AP1G1: variants seen among roughly 807,000 people sequenced by gnomAD.
AP1G1 encodes the protein AP-1 complex subunit gamma-1.
Under a neutral mutation model 108.3 loss-of-function variants are expected in AP1G1, and 7 were observed. That is an observed-to-expected ratio of 0.06 (90% CI 0.04 to 0.12). AP1G1 has a LOEUF of 0.12. Ranked by LOEUF, AP1G1 falls within the 10% of genes least tolerant of loss-of-function variation. The probability of loss-of-function intolerance (pLI) is 1.00; values close to 1 mark genes in which losing one functional copy is unlikely to be tolerated. For missense variants in AP1G1, 756 were observed against 1,010.7 expected (o/e 0.75, Z 3.42); for synonymous variants, 379 against 353.5 (o/e 1.07, Z -0.81).
Position 71,780,820 on chromosome 16 carries a change from C to CT in AP1G1, c.202-6229dup, listed in dbSNP as rs767977641. 7.9e-3 allele frequency among the ~76,000 whole-genome samples: 1,108 copies of CT among 139,652 alleles called. 12 individuals are homozygous for CT. Among genetic ancestry groups the CT allele is most frequent in the African/African-American group, 0.021 (817 of 38,280 alleles). The allele number at this position is 139,652 out of a possible 152,430, so 91.6% of individuals were successfully genotyped here. On this transcript the variant is annotated intron_variant, in intron 2 of 22. Transcript: ENST00000299980. ...GCCACCACATGAGGCTAATTTTTTA[C>CT]TTTTTTTTTTTTTTTTGAGCTGGAG...
At chr16:71,794,373 T>C (rs1179575258) in intron 1 of AP1G1, among the ~76,000 whole-genome samples, 1 of 152,214 alleles carries the variant, frequency 6.6e-6, no homozygotes, top group Non-Finnish European at 1.5e-5. Context: ...AAAATGTCCC[T>C]CTTTGTCCTG....
At chr16:71,763,853 G>C (rs1042220048) in intron 9 of AP1G1, among the ~76,000 whole-genome samples, 1 of 152,086 alleles carries the variant, frequency 6.6e-6, no homozygotes, top group Non-Finnish European at 1.5e-5. Flanking sequence ...CCTCTTTATA[G>C]AAGAATTCCA....
rs1292572019 is a variant in AP1G1, at chr16:71,759,575, A to G, written c.975-654T>C. ...GGAGATTAAGACCACCCTGGCTACC[A>G]TGGTGAAACCACGTCTCTACTAAAA... On this transcript the variant is annotated intron_variant, in intron 10 of 22. Coordinates refer to ENST00000299980, the MANE Select transcript of AP1G1 (RefSeq NM_001128.6). Among the ~76,000 whole-genome samples, 4 of 152,258 alleles carry G rather than the reference A, an allele frequency of 2.6e-5. No individual in the cohort carries two copies. In the East Asian group the frequency reaches 7.7e-4, roughly 29 times the overall value.
At chr16:71,806,296 A>G (rs891864926) in intron 1 of AP1G1, among the ~76,000 whole-genome samples, 4 of 152,234 alleles carry the variant, frequency 2.6e-5, no homozygotes, top group African/African-American at 9.6e-5. Flanking sequence ...ACATTCAAAT[A>G]TGCACTGATC....
chr16:71,734,403 G>A (rs1296674233), intron 22 of AP1G1, among the ~76,000 whole-genome samples: 1 of 151,984 alleles, frequency 6.6e-6, no homozygotes, highest in Non-Finnish European at 1.5e-5. Context: ...TTTTGAAGTT[G>A]CATTTTAATA....
chr16:71,798,341 G>A (rs2032659750), intron 1 of AP1G1, among the ~76,000 whole-genome samples: 1 of 152,092 alleles, frequency 6.6e-6, no homozygotes, highest in Admixed American at 6.6e-5. Context: ...CAGGACTATA[G>A]GCGCGTGCCA....
chr16:71,745,222 T>C lies in AP1G1; in HGVS notation c.1921A>G (p.Ile641Val). 6.2e-7 allele frequency: 1 copy of C among 1,614,214 alleles called. No individual in the cohort carries two copies. The highest frequency in any genetic ancestry group is 8.5e-7 in the Non-Finnish European group (1 of 1,180,038). ...GGTTTGCTTGTAGGCGCAGTTGGAA[T>C]AACAGGTGTTATGTCATTTCCTCCC... ...LLGGNDITPV[I>V]PTAPTSKPSS... Residue 641 changes from isoleucine (I) to valine (V), a missense_variant, in exon 19 of 23, where the codon ATT becomes GTT. By Grantham distance (29) the Ile-to-Val change is conservative (BLOSUM62 3). Coordinates refer to ENST00000299980, the MANE Select transcript of AP1G1 (RefSeq NM_001128.6).
At chr16:71,805,300 T>C (rs1188279233) in intron 1 of AP1G1, among the ~76,000 whole-genome samples, 5 of 151,768 alleles carry the variant, frequency 3.3e-5, no homozygotes, top group Non-Finnish European at 4.4e-5. Context: ...ATACAAAAAT[T>C]AGCTGGGCAT....
rs549969328 is a variant in AP1G1, at chr16:71,746,467, C to T, written c.1730+121G>A. On this transcript the variant is annotated intron_variant, in intron 17 of 22. Transcript: ENST00000299980. Reference sequence around the variant, plus strand: ...AACAGAAGCAGACAAGCAATTAGAACTAAATAGGGATACGAGGAACAATTA... The same window carrying T: ...AACAGAAGCAGACAAGCAATTAGAATTAAATAGGGATACGAGGAACAATTA... 10 of 548,404 alleles carry T rather than the reference C, an allele frequency of 1.8e-5. No homozygotes were observed. The East Asian group carries it at 2.8e-4, about 15-fold the overall frequency. 34.0% of individuals were successfully genotyped at this position (548,404 alleles called of 1,614,324 possible).
chr16:71,758,985 TTAAA>T (rs2030942572), intron 10 of AP1G1, 64 bp from the exon 11 acceptor site: 2 of 911,384 alleles, frequency 2.2e-6, no homozygotes, highest in African/African-American at 1.7e-5. Flanking sequence ...TTTTCTCCGT[TTAAA>T]TAATAAAAAG....
At chr16:71,801,706 AG>A (rs956445048) in intron 1 of AP1G1, among the ~76,000 whole-genome samples, 1 of 152,282 alleles carries the variant, frequency 6.6e-6, no homozygotes, top group Non-Finnish European at 1.5e-5. Flanking sequence ...GCAGATCACA[AG>A]GTCAGGAGAT....
chr16:71,795,435 G>GT (rs1482331989), intron 1 of AP1G1, among the ~76,000 whole-genome samples: 1 of 152,194 alleles, frequency 6.6e-6, no homozygotes, highest in Non-Finnish European at 1.5e-5. Flanking sequence ...ATTGACTACT[G>GT]TGTCAGTCAC....
At chr16:71,793,183 A>G (rs2032465379) in intron 1 of AP1G1, among the ~76,000 whole-genome samples, 1 of 152,308 alleles carries the variant, frequency 6.6e-6, no homozygotes, top group East Asian at 1.9e-4. Flanking sequence ...CAGAAAAAGC[A>G]AACAAACAAA....
In AP1G1 at chr16:71,760,545, CA is replaced by C. The variant is rs1160425772; in HGVS notation, c.974+966del. Reference sequence around the variant, plus strand: ...GGGCAACAAGAGCGAAACTCCATCTCAAAAAAAAAAAAAAAAAGAAACAGGG... The same window carrying C: ...GGGCAACAAGAGCGAAACTCCATCTCAAAAAAAAAAAAAAAAGAAACAGGG... On this transcript the variant is annotated intron_variant, in intron 10 of 22. Transcript: ENST00000299980. Among the ~76,000 whole-genome samples, 457 of 95,170 alleles carry C rather than the reference CA, an allele frequency of 4.8e-3. 1 individual carries two copies. Among genetic ancestry groups the C allele is most frequent in the Middle Eastern group, 6.8e-3 (1 of 146 alleles). 62.4% of individuals were successfully genotyped at this position (95,170 alleles called of 152,430 possible).
At chr16:71,777,229 G>T (rs754050951) in intron 2 of AP1G1, among the ~76,000 whole-genome samples, 10 of 150,892 alleles carry the variant, frequency 6.6e-5, no homozygotes, top group Admixed American at 2.0e-4. Context: ...GAGGGGATCT[G>T]AGGGAGATCC....
chr16:71,806,350 A>C (rs2032997856), intron 1 of AP1G1, among the ~76,000 whole-genome samples: 1 of 152,228 alleles, frequency 6.6e-6, no homozygotes, highest in Non-Finnish European at 1.5e-5. Flanking sequence ...TGTTAAGGCA[A>C]AAGGACCCTT....
At chr16:71,807,715 C>A (rs1251554256) in intron 1 of AP1G1, 6 of 913,230 alleles carry the variant, frequency 6.6e-6, no homozygotes, top group Non-Finnish European at 9.3e-6. Context: ...ACAAACACTT[C>A]AAAGTTAAGG....
chr16:71,782,580 G>A (rs1365593249), intron 2 of AP1G1, among the ~76,000 whole-genome samples: 3 of 151,780 alleles, frequency 2.0e-5, no homozygotes, highest in African/African-American at 2.4e-5. Flanking sequence ...TCCACCTCCC[G>A]GGTTCAAGCG....
At chr16:71,806,984 A>G (rs1460821852) in intron 1 of AP1G1, among the ~76,000 whole-genome samples, 2 of 152,256 alleles carry the variant, frequency 1.3e-5, no homozygotes, top group Non-Finnish European at 2.9e-5. Flanking sequence ...AATTCAAGTT[A>G]TAAATTTAAA....
Sources: gnomAD v4.1 joint callset for allele counts (sites outside exome capture counted in the v4.1 genomes callset) on GRCh38, gnomAD v4.1.1 for gene constraint, MANE v1.5 for transcripts, NCBI Gene and HGNC (gene_info 2026-07-23, HGNC 2026-07-21) for gene names.